Variants in DCC observed in about 807,000 individuals in gnomAD.
DCC encodes the protein netrin receptor DCC.
DCC carries 58 observed loss-of-function variants against 172.5 expected under a neutral mutation model. The observed-to-expected ratio is 0.34, with a 90% CI of 0.27 to 0.42. The LOEUF (loss-of-function observed/expected upper bound fraction) is 0.42. DCC is among the 10% of genes least tolerant of loss of function. The probability of loss-of-function intolerance (pLI) is 1.00; values close to 1 mark genes in which losing one functional copy is unlikely to be tolerated. For missense variants in DCC, 1,740 were observed against 1,791.0 expected, an observed-to-expected ratio of 0.97 and a Z score of 0.51; for synonymous variants, 709 against 644.5, an observed-to-expected ratio of 1.10 and a Z score of -1.52.
intron 17 of DCC, among the ~76,000 whole-genome samples, chr18:53,394,229 T>G (rs56054126): frequency 0.24 from 36,809 of 152,048 alleles, 4,869 homozygotes; most frequent in East Asian, 0.41. Context: ...ATTTTTCTCA[T>G]CTATATGATG....
chr18:52,736,528 T>C (rs955071399), intron 1 of DCC, among the ~76,000 whole-genome samples: 9 of 152,114 alleles, frequency 5.9e-5, no homozygotes, highest in African/African-American at 2.2e-4. Flanking sequence ...TTTTTCATAC[T>C]GTTTTTTGAA....
At chr18:53,170,073 C>T (rs1200412278) in intron 8 of DCC, among the ~76,000 whole-genome samples, 1 of 152,138 alleles carries the variant, frequency 6.6e-6, no homozygotes, top group Admixed American at 6.6e-5. Context: ...GGGGCTAGAA[C>T]TGAACAAATC....
intron 26 of DCC, among the ~76,000 whole-genome samples, chr18:53,491,437 G>A (rs879488263): frequency 8.6e-5 from 13 of 151,934 alleles, no homozygotes; most frequent in Non-Finnish European, 1.0e-4. Context: ...AGATATACAC[G>A]TGCCATGGTG....
chr18:53,289,055 A>T (rs1450688015), intron 12 of DCC, among the ~76,000 whole-genome samples: 3 of 152,156 alleles, frequency 2.0e-5, no homozygotes, highest in African/African-American at 4.8e-5. Flanking sequence ...ATTTGCCAGG[A>T]GGCTGCAGTG....
At chr18:53,271,702 C>G (rs61063719) in intron 12 of DCC, among the ~76,000 whole-genome samples, 1 of 151,996 alleles carries the variant, frequency 6.6e-6, no homozygotes, top group Non-Finnish European at 1.5e-5. Context: ...TTGTAACCAC[C>G]ACTTTTTCTG....
At chr18:53,424,894 A>T (rs1396861682) in intron 21 of DCC, among the ~76,000 whole-genome samples, 1 of 152,104 alleles carries the variant, frequency 6.6e-6, no homozygotes, top group Non-Finnish European at 1.5e-5. Context: ...CTACTTTTCA[A>T]CATATCAGCT....
At position 52,906,344 on chromosome 18, in the gene DCC, T is replaced by A. The variant is rs777598337; in HGVS notation, c.697+16T>A. On this transcript the variant is annotated intron_variant, in intron 3 of 28. Coordinates refer to ENST00000442544, the MANE Select transcript of DCC (RefSeq NM_005215.4). ...ATTTTATCAGGTATTGCAATGCTCT[T>A]TGTTGCCTTCAGAATGATATTCTCT... 1 of 1,613,200 alleles carries A rather than the reference T, an allele frequency of 6.2e-7. No homozygotes were observed. The highest frequency in any genetic ancestry group is 1.7e-5 in the Admixed American group (1 of 60,014).
chr18:52,412,383 A>T (rs1005838162), intron 1 of DCC, among the ~76,000 whole-genome samples: 1 of 152,128 alleles, frequency 6.6e-6, no homozygotes, highest in Non-Finnish European at 1.5e-5. Flanking sequence ...ATTTAATATT[A>T]TGGAAGGAAG....
At chr18:52,423,370 A>G (rs1156291084) in intron 1 of DCC, among the ~76,000 whole-genome samples, 1 of 152,106 alleles carries the variant, frequency 6.6e-6, no homozygotes, top group Admixed American at 6.6e-5. Context: ...ACTCTGGCAG[A>G]TGGGAAGGAA....
chr18:52,734,815 C>T (rs2036700729), intron 1 of DCC, among the ~76,000 whole-genome samples: 1 of 152,102 alleles, frequency 6.6e-6, no homozygotes, highest in Admixed American at 6.6e-5. Context: ...TTCAGCACTG[C>T]TAAACCCAAA....
chr18:52,384,616 G>T (rs536369434), intron 1 of DCC, among the ~76,000 whole-genome samples: 1 of 152,130 alleles, frequency 6.6e-6, no homozygotes, highest in South Asian at 2.1e-4. Context: ...TGTGTAGCAG[G>T]AGAGTTGACT....
Position 52,562,875 on chromosome 18 carries a change from C to A in DCC, c.92-189179C>A, listed in dbSNP as rs1361239352. On this transcript the variant is annotated intron_variant, in intron 1 of 28. Transcript: ENST00000442544. ...AAACTCCTGGGCTTAAGTGATCCTT[C>A]TGCCTCAGCCCCCTAAAGTGCTGGG... 2.0e-5 allele frequency among the ~76,000 whole-genome samples: 3 copies of A among 152,122 alleles called. No individual in the cohort carries two copies. In the East Asian group the frequency reaches 5.8e-4, roughly 29 times the overall value.
At chr18:52,458,878 A>C in intron 1 of DCC, among the ~76,000 whole-genome samples, 1 of 152,202 alleles carries the variant, frequency 6.6e-6, no homozygotes, top group Non-Finnish European at 1.5e-5. Context: ...TTAAAAAATA[A>C]AAACATTTAA....
intron 26 of DCC, among the ~76,000 whole-genome samples, chr18:53,492,542 A>T (rs1053660611): frequency 6.6e-6 from 1 of 151,984 alleles, no homozygotes; most frequent in Admixed American, 6.6e-5. Flanking sequence ...AGTTTTCCCA[A>T]CACCATTTAT....
intron 1 of DCC, among the ~76,000 whole-genome samples, chr18:52,618,750 T>C (rs2034428751): frequency 6.6e-6 from 1 of 152,192 alleles, no homozygotes; most frequent in African/African-American, 2.4e-5. Context: ...ATTTTATCAA[T>C]ACCACCTATT....
At chr18:52,728,926 A>G (rs1327198833) in intron 1 of DCC, among the ~76,000 whole-genome samples, 1 of 152,188 alleles carries the variant, frequency 6.6e-6, no homozygotes, top group Non-Finnish European at 1.5e-5. Flanking sequence ...GTCTGTTTGG[A>G]GAAGTGATTA....
chr18:53,509,459 A>C (rs1429958463), intron 27 of DCC, among the ~76,000 whole-genome samples: 1 of 152,218 alleles, frequency 6.6e-6, no homozygotes. Context: ...ATTTAGATTT[A>C]GCAGATCTAG....
At chr18:53,431,291 T>TTA (rs1555671267) in intron 21 of DCC, among the ~76,000 whole-genome samples, 1 of 149,524 alleles carries the variant, frequency 6.7e-6, no homozygotes, top group Admixed American at 6.7e-5. Flanking sequence ...TTTTTTTTTT[T>TTA]ATGAAATTAG....
At chr18:52,727,476 T>C (rs1267778277) in intron 1 of DCC, among the ~76,000 whole-genome samples, 1 of 152,186 alleles carries the variant, frequency 6.6e-6, no homozygotes, top group Non-Finnish European at 1.5e-5. Flanking sequence ...CTTTTCCTTT[T>C]CTTATTTGCT....
Sources: allele counts gnomAD v4.1 joint callset (sites outside exome capture counted in the v4.1 genomes callset), GRCh38; gene constraint gnomAD v4.1.1; transcripts MANE v1.5; gene names NCBI Gene and HGNC (gene_info 2026-07-23, HGNC 2026-07-21).